The following IL17RD variants were observed in gnomAD, a reference collection of about 807,000 sequenced individuals.
The protein encoded by IL17RD is interleukin-17 receptor D.
In IL17RD, 52 loss-of-function variants were observed where a neutral mutation model predicts 80.5. That is an observed-to-expected ratio of 0.65 (90% CI 0.52 to 0.81). IL17RD has a LOEUF of 0.81. Among genes scored for constraint, IL17RD ranks in the 40% least tolerant of loss-of-function variants. The pLI is 0.00. For synonymous variants in IL17RD, 416 were observed against 391.8 expected, an observed-to-expected ratio of 1.06 and a Z score of -0.73; for missense variants, 1,024 against 955.1, an observed-to-expected ratio of 1.07 and a Z score of -0.95.
At chr3:57,121,651 CTGAACT>C (rs1302688523) in intron 1 of IL17RD, among the ~76,000 whole-genome samples, 39 of 152,188 alleles carry the variant, frequency 2.6e-4, no homozygotes, top group African/African-American at 9.2e-4. Context: ...AACTCCTCAC[CTGAACT>C]AAAACACTTT....
At position 57,102,516 on chromosome 3, in the gene IL17RD, CGCGAAT is replaced by C. The variant is rs768779599; in HGVS notation, c.936_941del (p.Phe313_Ala314del). On this transcript the variant is annotated inframe_deletion, in exon 10 of 13. Transcript: ENST00000296318. ...TGCGGCACATCACAGTGAAGAGCGTCGCGAATGCCGATATGACTACCAGTGGCACTG... is the reference window on the plus strand; with the variant it reads ...TGCGGCACATCACAGTGAAGAGCGTCGCCGATATGACTACCAGTGGCACTG... 6.3e-7 allele frequency: 1 copy of C among 1,578,854 alleles called. No homozygotes were observed. The highest frequency in any genetic ancestry group is 8.7e-7 in the Non-Finnish European group (1 of 1,153,852).
At position 57,159,123 on chromosome 3, in the gene IL17RD, C is replaced by CT. The variant is rs34297266; in HGVS notation, c.126+6037dup. Among the ~76,000 whole-genome samples the CT allele has an allele frequency of 1.5e-3, 210 of 144,264 alleles. 1 individual carries two copies. The highest frequency in any genetic ancestry group is 7.1e-3 in the Middle Eastern group (2 of 282). The allele number at this position is 144,264 out of a possible 152,430, so 94.6% of individuals were successfully genotyped here. ...TTAATTTACAATGTCGATATCTCTT[C>CT]TTTTTTTTTTTTTTTAAAGACACAT... On this transcript the variant is annotated intron_variant, in intron 1 of 12. Coordinates refer to ENST00000296318, the MANE Select transcript of IL17RD (RefSeq NM_017563.5).
chr3:57,136,966 G>T (rs1473031254), intron 1 of IL17RD, among the ~76,000 whole-genome samples: 1 of 152,168 alleles, frequency 6.6e-6, no homozygotes, highest in Non-Finnish European at 1.5e-5. Flanking sequence ...TGTGTAATAA[G>T]ATTTCAGACA....
At chr3:57,103,488 C>T (rs1045566252) in intron 8 of IL17RD, among the ~76,000 whole-genome samples, 2 of 152,128 alleles carry the variant, frequency 1.3e-5, no homozygotes, top group Non-Finnish European at 2.9e-5. Context: ...ACTGGGCCTC[C>T]ATTAATGCTT....
intron 12 of IL17RD, 110 bp from the exon 13 acceptor site, chr3:57,096,615 T>C: frequency 1.3e-6 from 1 of 772,330 alleles, no homozygotes; most frequent in Non-Finnish European, 2.3e-6. Flanking sequence ...GGGCTCTGTA[T>C]AAACGAGGCA....
intron 3 of IL17RD, among the ~76,000 whole-genome samples, chr3:57,114,346 C>G (rs547946165): frequency 1.3e-5 from 2 of 152,198 alleles, no homozygotes; most frequent in African/African-American, 2.4e-5. Flanking sequence ...ATGGCCATTA[C>G]GCCCTTGGAT....
intron 1 of IL17RD, among the ~76,000 whole-genome samples, chr3:57,155,574 T>C (rs2107541766): frequency 6.6e-6 from 1 of 152,344 alleles, no homozygotes; most frequent in East Asian, 1.9e-4. Context: ...TAGCCAATGT[T>C]AAGAAAGCAA....
At chr3:57,120,914 C>T (rs1191972190) in intron 1 of IL17RD, among the ~76,000 whole-genome samples, 4 of 152,242 alleles carry the variant, frequency 2.6e-5, no homozygotes, top group Admixed American at 6.5e-5. Context: ...CTAACTCTTA[C>T]TCTTGGTGAT....
chr3:57,152,303 G>A (rs17235834), intron 1 of IL17RD, among the ~76,000 whole-genome samples: 3,962 of 152,324 alleles, frequency 0.026, 84 homozygotes, highest in South Asian at 0.048. Context: ...CATCTAAATC[G>A]CTGCTTTCTG....
chr3:57,164,355 C>T (rs963887878), intron 1 of IL17RD, among the ~76,000 whole-genome samples: 6 of 152,222 alleles, frequency 3.9e-5, no homozygotes, highest in Non-Finnish European at 7.3e-5. Context: ...ATGGCAATCA[C>T]CCGCGCCCAT....
intron 7 of IL17RD, 91 bp from the exon 8 acceptor site, chr3:57,104,498 C>A: frequency 2.5e-6 from 2 of 797,044 alleles, no homozygotes; most frequent in South Asian, 1.6e-5. Context: ...AGGAGACTTG[C>A]CACCAGTCTC....
At chr3:57,136,641 C>CAAAAAA (rs59941543) in intron 1 of IL17RD, among the ~76,000 whole-genome samples, 5 of 48,098 alleles carry the variant, frequency 1.0e-4, no homozygotes, top group Non-Finnish European at 1.6e-4. Context: ...AACCCCCACT[C>CAAAAAA]AAAAAAAAAA....
In IL17RD at chr3:57,093,761, A is replaced by G. The variant is rs926842724; in HGVS notation, c.*2632T>C. 7.9e-5 allele frequency: 12 copies of G among 152,192 alleles called. No individual in the cohort carries two copies. Among genetic ancestry groups the G allele is most frequent in the African/African-American group, 2.2e-4 (9 of 41,440 alleles). 9.4% of individuals were successfully genotyped at this position (152,192 alleles called of 1,614,324 possible). On this transcript the variant is annotated 3_prime_UTR_variant, in exon 13 of 13. Coordinates refer to ENST00000296318, the MANE Select transcript of IL17RD (RefSeq NM_017563.5). ...AGGTGGTCTCTGTTGCTTGTAGCCA[A>G]TCTCTGAGAAGGCACACCTTTACCT...
intron 1 of IL17RD, among the ~76,000 whole-genome samples, chr3:57,132,111 A>C (rs1180569710): frequency 6.6e-6 from 1 of 150,682 alleles, no homozygotes; most frequent in Non-Finnish European, 1.5e-5. Context: ...GCTTGAGCCA[A>C]GGAGGTTGTG....
At chr3:57,148,099 G>GTC (rs1259381975) in intron 1 of IL17RD, among the ~76,000 whole-genome samples, 2 of 113,044 alleles carry the variant, frequency 1.8e-5, no homozygotes, top group Middle Eastern at 3.7e-3. Flanking sequence ...GGGGGGGGGG[G>GTC]GGGGGCGATC....
At chr3:57,126,514 G>A (rs978747355) in intron 1 of IL17RD, among the ~76,000 whole-genome samples, 2 of 152,226 alleles carry the variant, frequency 1.3e-5, no homozygotes, top group African/African-American at 4.8e-5. Flanking sequence ...CAGCGGAGCA[G>A]GATCCACAGG....
intron 1 of IL17RD, 45 bp from the exon 2 acceptor site, chr3:57,120,358 C>G (rs759201472): frequency 1.4e-6 from 2 of 1,449,092 alleles, no homozygotes; most frequent in South Asian, 2.3e-5. Context: ...AGCCAATTTG[C>G]TCTTCCAACA....
At chr3:57,142,541 C>G (rs769153010) in intron 1 of IL17RD, 41 of 1,280,364 alleles carry the variant, frequency 3.2e-5, no homozygotes, top group South Asian at 2.4e-4. Flanking sequence ...TGACCTCCCC[C>G]ACTCCGGCCT....
At chr3:57,127,391 AAT>A (rs1482406097) in intron 1 of IL17RD, among the ~76,000 whole-genome samples, 2 of 79,480 alleles carry the variant, frequency 2.5e-5, no homozygotes, top group Admixed American at 1.9e-4. Flanking sequence ...TAAATAAATA[AAT>A]AAATATATAT....
Sources: allele counts gnomAD v4.1 joint callset (sites outside exome capture counted in the v4.1 genomes callset), GRCh38; gene constraint gnomAD v4.1.1; transcripts MANE v1.5; gene names NCBI Gene and HGNC (gene_info 2026-07-23, HGNC 2026-07-21).